EIF2B3: variants seen among roughly 807,000 people sequenced by gnomAD.
EIF2B3 encodes the protein eukaryotic translation initiation factor 2B subunit gamma, also known as translation initiation factor eIF2B subunit gamma.
In EIF2B3, 20 loss-of-function variants were observed where a neutral mutation model predicts 54.1. The ratio of observed to expected loss-of-function variants is 0.37; its 90% CI spans 0.26 to 0.54. EIF2B3 has a LOEUF of 0.54. Ranked by LOEUF, EIF2B3 falls within the 20% of genes least tolerant of loss-of-function variation. The probability of loss-of-function intolerance (pLI) is 0.86; values close to 1 mark genes in which losing one functional copy is unlikely to be tolerated. For missense variants in EIF2B3, 448 were observed against 547.8 expected (o/e 0.82, Z 1.82); for synonymous variants, 153 against 188.1 (o/e 0.81, Z 1.52).
intron 3 of EIF2B3, chr1:44,959,115 T>A: frequency 1.3e-6 from 1 of 762,252 alleles, no homozygotes; most frequent in Non-Finnish European, 2.3e-6. Flanking sequence ...GTAACATCCC[T>A]ATTGCTAACC....
intron 5 of EIF2B3, among the ~76,000 whole-genome samples, chr1:44,910,017 A>G (rs1643482191): frequency 6.6e-6 from 1 of 152,208 alleles, no homozygotes; most frequent in Non-Finnish European, 1.5e-5. Flanking sequence ...ATTTTATTCC[A>G]TTTTAAAGAT....
At chr1:44,951,399 C>G (rs763779397) in intron 3 of EIF2B3, among the ~76,000 whole-genome samples, 2 of 152,184 alleles carry the variant, frequency 1.3e-5, no homozygotes, top group Non-Finnish European at 2.9e-5. Flanking sequence ...CTGATTCTAA[C>G]AGGATCCTCA....
intron 10 of EIF2B3, among the ~76,000 whole-genome samples, chr1:44,872,650 G>GA (rs950653854): frequency 3.3e-5 from 5 of 150,824 alleles, no homozygotes; most frequent in South Asian, 2.1e-4. Flanking sequence ...ACCCTGTCTT[G>GA]AAAAAAAACA....
Position 44,881,672 on chromosome 1 carries a change from A to T in EIF2B3, c.724T>A (p.Ser242Thr). Residue 242 changes from serine to threonine, a missense_variant, in exon 7 of 12, where the codon TCA (serine) becomes ACA (threonine). Physicochemically the swap from Ser to Thr is moderately conservative, Grantham distance 58 (BLOSUM62 1). Transcript: ENST00000360403. This position sits in a 1 kb window ranked among gnomAD's most constrained non-coding sequence, Gnocchi z 4.0. ...LVRKQFSSAS[S>T]QQGQEEKEED... ...TCTTTTTCTTCTTGTCCCTGTTGTG[A>T]GGAAGCTGAGGAAAACTGTTTTCTC... 1 of 1,614,138 alleles carries T rather than the reference A, an allele frequency of 6.2e-7. No individual in the cohort carries two copies. Among genetic ancestry groups the T allele is most frequent in the East Asian group, 2.2e-5 (1 of 44,884 alleles).
chr1:44,888,960 G>A (rs74688906), intron 6 of EIF2B3, among the ~76,000 whole-genome samples: 4,188 of 152,352 alleles, frequency 0.027, 76 homozygotes, highest in Non-Finnish European at 0.043. Context: ...TCTGGGAACA[G>A]TGGGAAGAGC....
At chr1:44,951,697 C>A (rs1331477072) in intron 3 of EIF2B3, among the ~76,000 whole-genome samples, 1 of 152,102 alleles carries the variant, frequency 6.6e-6, no homozygotes, top group Non-Finnish European at 1.5e-5. Context: ...CACTGTCCAG[C>A]AATACATTTC....
At chr1:44,967,700 A>G (rs1261194758) in intron 3 of EIF2B3, among the ~76,000 whole-genome samples, 1 of 142,492 alleles carries the variant, frequency 7.0e-6, no homozygotes, top group African/African-American at 2.7e-5. Flanking sequence ...AGACTGTGCC[A>G]TTGCACTCCC....
At chr1:44,959,040 G>T in intron 3 of EIF2B3, 2 of 741,290 alleles carry the variant, frequency 2.7e-6, no homozygotes, top group South Asian at 2.9e-5. Context: ...TGACATCTGA[G>T]AAACTTATGG....
At chr1:44,973,269 C>T (rs1276117296) in intron 3 of EIF2B3, among the ~76,000 whole-genome samples, 1 of 152,174 alleles carries the variant, frequency 6.6e-6, no homozygotes, top group Non-Finnish European at 1.5e-5. Flanking sequence ...CTGCATTATT[C>T]ACAATAGCTA....
intron 3 of EIF2B3, among the ~76,000 whole-genome samples, chr1:44,952,995 T>C (rs191149431): frequency 2.6e-5 from 4 of 152,344 alleles, no homozygotes; most frequent in Non-Finnish European, 4.4e-5. Context: ...GATTAGTTCC[T>C]TGTAGGTAGC....
intron 5 of EIF2B3, among the ~76,000 whole-genome samples, chr1:44,913,463 A>G (rs902735868): frequency 2.0e-5 from 3 of 151,828 alleles, no homozygotes; most frequent in Non-Finnish European, 4.4e-5. Flanking sequence ...AGCAAACTAC[A>G]GCCTGCCAGT....
At chr1:44,975,109 T>C (rs1039873698) in intron 3 of EIF2B3, among the ~76,000 whole-genome samples, 1 of 151,970 alleles carries the variant, frequency 6.6e-6, no homozygotes, top group Non-Finnish European at 1.5e-5. Flanking sequence ...TCCCATCTAC[T>C]TGAGAGGCTG....
At chr1:44,979,272 A>C (rs1031859019) in intron 2 of EIF2B3, among the ~76,000 whole-genome samples, 7 of 151,374 alleles carry the variant, frequency 4.6e-5, no homozygotes, top group Non-Finnish European at 8.8e-5. Context: ...ACAAAAAAAA[A>C]CCTCAGGTCT....
chr1:44,966,921 A>T (rs911605487), intron 3 of EIF2B3, among the ~76,000 whole-genome samples: 4 of 152,030 alleles, frequency 2.6e-5, no homozygotes, highest in Non-Finnish European at 4.4e-5. Context: ...TCCCAGGTTC[A>T]GGCAATTCTC....
intron 5 of EIF2B3, among the ~76,000 whole-genome samples, chr1:44,910,622 C>T (rs1156245618): frequency 6.8e-6 from 1 of 146,518 alleles, no homozygotes; most frequent in East Asian, 2.1e-4. Flanking sequence ...CCCACCCCCC[C>T]AAGTAATGCT....
chr1:44,967,466 C>T (rs113561365), intron 3 of EIF2B3, among the ~76,000 whole-genome samples: 24,849 of 150,186 alleles, frequency 0.17, 2,118 homozygotes, highest in African/African-American at 0.17. Context: ...AAAGGCCAGG[C>T]GTGGTGGCTC....
Position 44,968,838 on chromosome 1 carries a change from A to C in EIF2B3, c.294+9477T>G, listed in dbSNP as rs181459471. On this transcript the variant is annotated intron_variant, in intron 3 of 11. Coordinates refer to ENST00000360403, the MANE Select transcript of EIF2B3 (RefSeq NM_020365.5). Reference sequence around the variant, plus strand: ...CTTAAACCTGGGAGGCGGAGGTTGCAGTGAGTTGAGATTGCGCCATGCACT... The same window carrying C: ...CTTAAACCTGGGAGGCGGAGGTTGCCGTGAGTTGAGATTGCGCCATGCACT... Among the ~76,000 whole-genome samples, 431 of 151,942 alleles carry C rather than the reference A, an allele frequency of 2.8e-3. 2 individuals carry two copies. Among genetic ancestry groups the C allele is most frequent in the Non-Finnish European group, 4.9e-3 (331 of 67,958 alleles).
At chr1:44,949,218 C>CT (rs1411592446) in intron 3 of EIF2B3, among the ~76,000 whole-genome samples, 1 of 152,168 alleles carries the variant, frequency 6.6e-6, no homozygotes, top group African/African-American at 2.4e-5. Flanking sequence ...ATACCCTAGT[C>CT]TGTCTTCCTA....
intron 4 of EIF2B3, among the ~76,000 whole-genome samples, chr1:44,934,848 A>C (rs1052980112): frequency 1.3e-5 from 2 of 152,132 alleles, no homozygotes; most frequent in African/African-American, 4.8e-5. Context: ...GACTGAGAGG[A>C]GAAAATAGTT....
Sources: gnomAD v4.1 joint callset for allele counts (sites outside exome capture counted in the v4.1 genomes callset) on GRCh38, gnomAD v4.1.1 for gene constraint, Gnocchi (gnomAD v3.1) non-coding constraint, MANE v1.5 for transcripts, NCBI Gene and HGNC (gene_info 2026-07-23, HGNC 2026-07-21) for gene names.